CSMD1: variants seen among roughly 807,000 people sequenced by gnomAD.
The protein encoded by CSMD1 is CUB and sushi domain-containing protein 1.
CSMD1 carries 213 observed loss-of-function variants against 417.5 expected under a neutral mutation model. That is an observed-to-expected ratio of 0.51 (90% CI 0.46 to 0.57). The LOEUF (loss-of-function observed/expected upper bound fraction) is 0.57. Ranked by LOEUF, CSMD1 falls within the 20% of genes least tolerant of loss-of-function variation. The pLI, the probability that CSMD1 is intolerant of heterozygous loss-of-function variation, is 0.00. For missense variants in CSMD1, 6,923 were observed against 4,529.7 expected, an observed-to-expected ratio of 1.53 and a Z score of -15.17; for synonymous variants, 2,862 against 1,736.8, an observed-to-expected ratio of 1.65 and a Z score of -16.11.
At chr8:4,029,085 A>G (rs1181423380) in intron 4 of CSMD1, among the ~76,000 whole-genome samples, 1 of 152,226 alleles carries the variant, frequency 6.6e-6, no homozygotes, top group Non-Finnish European at 1.5e-5. Context: ...TTCTTAAAAT[A>G]TACACATTAA....
chr8:3,800,016 C>A (rs1585018301), intron 5 of CSMD1, among the ~76,000 whole-genome samples: 1 of 152,244 alleles, frequency 6.6e-6, no homozygotes, highest in East Asian at 1.9e-4. Flanking sequence ...CTTGTAAAAT[C>A]ACTTGACTTT....
chr8:3,347,314 G>A (rs1010687861), intron 22 of CSMD1, among the ~76,000 whole-genome samples: 2 of 152,186 alleles, frequency 1.3e-5, no homozygotes, highest in African/African-American at 2.4e-5. Flanking sequence ...ATACTTACAG[G>A]AGAGGTGAAA....
At chr8:3,924,168 C>G (rs1197396433) in intron 5 of CSMD1, among the ~76,000 whole-genome samples, 2 of 152,176 alleles carry the variant, frequency 1.3e-5, no homozygotes, top group Non-Finnish European at 2.9e-5. Flanking sequence ...GTATAGCATT[C>G]TTCGTTGGCA....
chr8:3,745,681 C>A (rs1009469678), intron 6 of CSMD1, among the ~76,000 whole-genome samples: 6 of 152,218 alleles, frequency 3.9e-5, no homozygotes, highest in African/African-American at 1.4e-4. Context: ...GGAAGTCAGG[C>A]AGCTGCTGGA....
At chr8:3,381,512 T>G (rs910267054) in intron 18 of CSMD1, among the ~76,000 whole-genome samples, 6 of 152,172 alleles carry the variant, frequency 3.9e-5, no homozygotes, top group Non-Finnish European at 5.9e-5. Flanking sequence ...TGAAGAAAAC[T>G]TGAATATTTT....
At chr8:3,082,402 T>C (rs558795765) in intron 49 of CSMD1, among the ~76,000 whole-genome samples, 6 of 152,178 alleles carry the variant, frequency 3.9e-5, no homozygotes, top group African/African-American at 1.4e-4. Flanking sequence ...TCCTCCACCA[T>C]GTCCCCTTCA....
chr8:4,105,917 C>G (rs559219856), intron 3 of CSMD1, among the ~76,000 whole-genome samples: 1 of 152,188 alleles, frequency 6.6e-6, no homozygotes, highest in African/African-American at 2.4e-5. Flanking sequence ...AGGCTTCAGC[C>G]CAAGGTTCGG....
At chr8:4,058,779 C>G (rs13253408) in intron 3 of CSMD1, among the ~76,000 whole-genome samples, 4 of 143,668 alleles carry the variant, frequency 2.8e-5, no homozygotes, top group East Asian at 2.0e-4. Context: ...CAGGAGCACC[C>G]AGATTCATAA....
chr8:4,245,232 G>A (rs1202547252), intron 3 of CSMD1, among the ~76,000 whole-genome samples: 10 of 152,180 alleles, frequency 6.6e-5, no homozygotes, highest in African/African-American at 1.7e-4. Flanking sequence ...ACTCTAAATC[G>A]GATGAAATCA....
chr8:4,154,206 G>C (rs1023806394), intron 3 of CSMD1, among the ~76,000 whole-genome samples: 1 of 152,124 alleles, frequency 6.6e-6, no homozygotes, highest in African/African-American at 2.4e-5. Context: ...TATTCAGGAA[G>C]AATAATATCA....
chr8:4,703,247 G>A (rs904613512), intron 1 of CSMD1, among the ~76,000 whole-genome samples: 13 of 152,176 alleles, frequency 8.5e-5, no homozygotes, highest in African/African-American at 3.1e-4. Context: ...CTCAACCATG[G>A]CAATGATGGT....
intron 3 of CSMD1, among the ~76,000 whole-genome samples, chr8:4,112,809 C>G (rs1393879352): frequency 6.6e-6 from 1 of 152,160 alleles, no homozygotes; most frequent in African/African-American, 2.4e-5. Flanking sequence ...ACAGACATAA[C>G]TTTTGTTTAT....
At chr8:3,985,199 C>T (rs2740803) in intron 5 of CSMD1, among the ~76,000 whole-genome samples, 81,439 of 151,466 alleles carry the variant, frequency 0.54, 22,034 homozygotes, top group African/African-American at 0.57. Flanking sequence ...TTGTGGTAAA[C>T]TAGAAGGTAT....
chr8:3,659,787 G>T (rs2449213), intron 7 of CSMD1, among the ~76,000 whole-genome samples: 2 of 151,900 alleles, frequency 1.3e-5, no homozygotes, highest in South Asian at 4.1e-4. Context: ...TTCCCAATAC[G>T]CAATAGAACT....
chr8:4,063,303 T>A (rs1448966506), intron 3 of CSMD1, among the ~76,000 whole-genome samples: 2 of 152,074 alleles, frequency 1.3e-5, no homozygotes, highest in African/African-American at 2.4e-5. Context: ...AAAAATTAGT[T>A]ACAATGTAAA....
intron 3 of CSMD1, among the ~76,000 whole-genome samples, chr8:4,047,703 T>C (rs149523660): frequency 1.3e-5 from 2 of 152,066 alleles, no homozygotes; most frequent in Non-Finnish European, 2.9e-5. Flanking sequence ...AAATTTGTAA[T>C]AGCTCAGTGG....
chr8:4,737,542 A>T (rs1434226459), intron 1 of CSMD1, among the ~76,000 whole-genome samples: 1 of 152,170 alleles, frequency 6.6e-6, no homozygotes, highest in Non-Finnish European at 1.5e-5. Context: ...ATGATTGATG[A>T]TTTCCCTTAT....
intron 1 of CSMD1, among the ~76,000 whole-genome samples, chr8:4,859,396 A>G (rs1801994935): frequency 6.6e-6 from 1 of 152,232 alleles, no homozygotes. Context: ...CAATAGCAAC[A>G]AAAGAAAAAA....
At chr8:4,545,424 C>G (rs139369608) in intron 2 of CSMD1, among the ~76,000 whole-genome samples, 2 of 152,108 alleles carry the variant, frequency 1.3e-5, no homozygotes, top group African/African-American at 4.8e-5. Flanking sequence ...TAATAAGAGT[C>G]CTACATATTA....
Sources: gnomAD v4.1 joint callset for allele counts (sites outside exome capture counted in the v4.1 genomes callset) on GRCh38, gnomAD v4.1.1 for gene constraint, MANE v1.5 for transcripts, NCBI Gene and HGNC (gene_info 2026-07-23, HGNC 2026-07-21) for gene names.